Variants in PDE3A observed in about 807,000 individuals in gnomAD.
PDE3A encodes the protein phosphodiesterase 3A.
PDE3A carries 43 observed loss-of-function variants against 98.3 expected under a neutral mutation model. The ratio of observed to expected loss-of-function variants is 0.44; its 90% CI spans 0.34 to 0.56. The LOEUF (loss-of-function observed/expected upper bound fraction) is 0.56, where lower values mean the gene tolerates loss of function less well. Among genes scored for constraint, PDE3A ranks in the 20% least tolerant of loss-of-function variants. The pLI is 0.01. For missense variants in PDE3A, 1,427 were observed against 1,440.7 expected (o/e 0.99, Z 0.15); for synonymous variants, 663 against 567.9 (o/e 1.17, Z -2.38).
intron 2 of PDE3A, among the ~76,000 whole-genome samples, chr12:20,597,874 A>T (rs1242023793): frequency 1.4e-5 from 2 of 145,936 alleles, no homozygotes; most frequent in Non-Finnish European, 3.1e-5. Flanking sequence ...AATGAAGAAG[A>T]AATGGATATT....
intron 1 of PDE3A, among the ~76,000 whole-genome samples, chr12:20,470,529 A>G (rs1444711270): frequency 6.6e-6 from 1 of 152,180 alleles, no homozygotes; most frequent in East Asian, 1.9e-4. Flanking sequence ...ACCCCTCATA[A>G]AAATTTGCAA....
chr12:20,378,477 G>C (rs1427797943), intron 1 of PDE3A, among the ~76,000 whole-genome samples: 1 of 151,734 alleles, frequency 6.6e-6, no homozygotes, highest in East Asian at 1.9e-4. Flanking sequence ...GATTGGGACA[G>C]GGTATATTAC....
intron 9 of PDE3A, among the ~76,000 whole-genome samples, chr12:20,639,191 A>G (rs1213791179): frequency 1.3e-5 from 2 of 152,120 alleles, no homozygotes; most frequent in Admixed American, 6.6e-5. Flanking sequence ...TGGGAATGGG[A>G]GAAAACAATT....
intron 1 of PDE3A, chr12:20,449,602 C>A: frequency 2.7e-6 from 1 of 366,558 alleles, no homozygotes; most frequent in Non-Finnish European, 5.2e-6. Context: ...CACGGGGTCT[C>A]TGCTCACACT....
Position 20,545,689 on chromosome 12 carries a change from C to G in PDE3A, c.961-10971C>G, listed in dbSNP as rs148891432. On this transcript the variant is annotated intron_variant, in intron 1 of 15. Transcript: ENST00000359062. ...AAGAGATTTAGATTCTGAGAAAGAT[C>G]CTGGAGGAAAAGCTGGGGCCAGTAT... Among the ~76,000 whole-genome samples, 47 of 151,262 alleles carry G rather than the reference C, an allele frequency of 3.1e-4. 1 individual carries two copies. In the East Asian group the frequency reaches 9.2e-3, roughly 30 times the overall value.
At chr12:20,543,278 C>T (rs1378358089) in intron 1 of PDE3A, among the ~76,000 whole-genome samples, 2 of 150,710 alleles carry the variant, frequency 1.3e-5, no homozygotes, top group Non-Finnish European at 3.0e-5. Flanking sequence ...TTTAAACAGG[C>T]CTAACTATCA....
chr12:20,489,129 C>G (rs1272293833), intron 1 of PDE3A, among the ~76,000 whole-genome samples: 1 of 152,168 alleles, frequency 6.6e-6, no homozygotes, highest in East Asian at 1.9e-4. Flanking sequence ...TAAATGTCTT[C>G]AGTTTACAGT....
At position 20,368,604 on chromosome 12, in the gene PDE3A, CA is replaced by C. The variant is rs1481615732; in HGVS notation, c.-680del. Among the ~76,000 whole-genome samples, 5 of 151,624 alleles carry C rather than the reference CA, an allele frequency of 3.3e-5. No homozygotes were observed. The highest frequency in any genetic ancestry group is 1.2e-4 in the African/African-American group (5 of 41,340). On this transcript the variant is annotated 5_prime_UTR_variant, in exon 1 of 16. Coordinates refer to ENST00000359062, the MANE Select transcript of PDE3A (RefSeq NM_000921.5). ...ACTTCTTATTTCTCAGCCCCTTGTC[CA>C]TTTTTTTTTTTCCATCCTTTGCCAT...
At chr12:20,556,878 C>A in intron 2 of PDE3A, 168 bp downstream of exon 2, 1 of 662,682 alleles carries the variant, frequency 1.5e-6, no homozygotes. Flanking sequence ...TTTCAAATCC[C>A]AAAGGCAGAT....
intron 1 of PDE3A, among the ~76,000 whole-genome samples, chr12:20,459,131 C>T (rs1945204204): frequency 1.3e-5 from 2 of 152,112 alleles, no homozygotes; most frequent in African/African-American, 2.4e-5. Context: ...GTACAATGTA[C>T]ATCTGTTATT....
chr12:20,639,411 A>C (rs1944596692), intron 9 of PDE3A, among the ~76,000 whole-genome samples: 1 of 152,102 alleles, frequency 6.6e-6, no homozygotes, highest in Non-Finnish European at 1.5e-5. Context: ...AACTTTGAAC[A>C]AATGTAGTTT....
chr12:20,637,485 A>C (rs1241739794), intron 9 of PDE3A, among the ~76,000 whole-genome samples: 1 of 152,156 alleles, frequency 6.6e-6, no homozygotes, highest in African/African-American at 2.4e-5. Context: ...GGGGATAGAG[A>C]TATATAGACA....
rs1555140934 is a variant in PDE3A at position 20,386,088 on chromosome 12, T to TATAAATATATATA, written c.960+15845_960+15846insTAAATATATATAA. 9.5e-4 allele frequency among the ~76,000 whole-genome samples: 32 copies of TATAAATATATATA among 33,750 alleles called. 3 individuals carry two copies. Among genetic ancestry groups the TATAAATATATATA allele is most frequent in the East Asian group, 7.2e-3 (4 of 554 alleles). 22.1% of individuals were successfully genotyped at this position (33,750 alleles called of 152,430 possible). A position where few individuals can be genotyped will look rare whatever the true frequency, so the allele number is the denominator to read the frequency against. ...TATATATAAAATATATATAAATATATAAATATATATAAATATATATATAAA... is the reference window on the plus strand; with the variant it reads ...TATATATAAAATATATATAAATATATATAAATATATATAAAATATATATAAATATATATATAAA... On this transcript the variant is annotated intron_variant, in intron 1 of 15. Coordinates refer to ENST00000359062, the MANE Select transcript of PDE3A (RefSeq NM_000921.5).
intron 1 of PDE3A, among the ~76,000 whole-genome samples, chr12:20,378,857 T>C (rs1292421918): frequency 1.3e-5 from 2 of 151,724 alleles, no homozygotes; most frequent in African/African-American, 2.4e-5. Flanking sequence ...TCCATCTCTA[T>C]CTACATGCAC....
chr12:20,530,602 G>T (rs912535044), intron 1 of PDE3A, among the ~76,000 whole-genome samples: 2 of 151,634 alleles, frequency 1.3e-5, no homozygotes, highest in Non-Finnish European at 1.5e-5. Context: ...TGCGTAGCTG[G>T]AACTATAGGT....
chr12:20,657,895 A>G (rs999127818), intron 15 of PDE3A, among the ~76,000 whole-genome samples: 1 of 152,230 alleles, frequency 6.6e-6, no homozygotes, highest in African/African-American at 2.4e-5. Context: ...ATGCACTGCC[A>G]TCAATGTGTA....
At chr12:20,612,533 C>T (rs1943885501) in intron 2 of PDE3A, among the ~76,000 whole-genome samples, 1 of 144,228 alleles carries the variant, frequency 6.9e-6, no homozygotes, top group Non-Finnish European at 1.5e-5. Flanking sequence ...AAAATAGTCC[C>T]TCATATTTTC....
At position 20,369,223 on chromosome 12, in the gene PDE3A, G is replaced by T; in HGVS notation, c.-62G>T. ...TGTGTGTGTGTGTGCGCGCGCGCGCGTGGGTCGGGGCGGGGGCGTCGGGGG... is the reference window on the plus strand; with the variant it reads ...TGTGTGTGTGTGTGCGCGCGCGCGCTTGGGTCGGGGCGGGGGCGTCGGGGG... On this transcript the variant is annotated 5_prime_UTR_variant, in exon 1 of 16. Transcript: ENST00000359062. 5 of 1,293,704 alleles carry T rather than the reference G, an allele frequency of 3.9e-6. No individual in the cohort carries two copies. In the South Asian group the frequency reaches 7.4e-5, roughly 19 times the overall value. The allele number at this position is 1,293,704 out of a possible 1,614,324, so 80.1% of individuals were successfully genotyped here.
intron 15 of PDE3A, among the ~76,000 whole-genome samples, chr12:20,667,637 A>G (rs188619616): frequency 1.9e-4 from 29 of 152,234 alleles, no homozygotes; most frequent in African/African-American, 7.0e-4. Flanking sequence ...ATGTCCATTT[A>G]TATACTAACA....
Sources: gnomAD v4.1 joint callset for allele counts (sites outside exome capture counted in the v4.1 genomes callset) on GRCh38, gnomAD v4.1.1 for gene constraint, MANE v1.5 for transcripts, NCBI Gene and HGNC (gene_info 2026-07-23, HGNC 2026-07-21) for gene names.